The following PLD5 variants were observed in gnomAD, a reference collection of about 807,000 sequenced individuals.
PLD5 encodes the protein phospholipase D family member 5.
PLD5 carries 36 observed loss-of-function variants against 61.1 expected under a neutral mutation model. The observed-to-expected ratio is 0.59, with a 90% CI of 0.45 to 0.78. The LOEUF (loss-of-function observed/expected upper bound fraction) is 0.78. Among genes scored for constraint, PLD5 ranks in the 30% least tolerant of loss-of-function variants. PLD5 has a pLI of 0.00. For synonymous variants in PLD5, 243 were observed against 242.8 expected (o/e 1.00, Z -0.01); for missense variants, 515 against 644.4 (o/e 0.80, Z 2.17).
At chr1:242,486,629 C>G (rs972956150) in intron 1 of PLD5, among the ~76,000 whole-genome samples, 2 of 152,176 alleles carry the variant, frequency 1.3e-5, no homozygotes, top group African/African-American at 4.8e-5. Context: ...TAAACTAGTT[C>G]AACCATTGTG....
intron 1 of PLD5, among the ~76,000 whole-genome samples, chr1:242,523,343 GTT>G (rs112208579): frequency 1.0e-4 from 15 of 147,154 alleles, no homozygotes; most frequent in African/African-American, 3.7e-4. Flanking sequence ...TTTTTAGAAG[GTT>G]TTTTTTTTTT....
intron 1 of PLD5, among the ~76,000 whole-genome samples, chr1:242,419,815 T>C (rs1665040367): frequency 6.6e-6 from 1 of 152,086 alleles, no homozygotes. Context: ...GTCAACCACA[T>C]TCTTATGTTT....
intron 1 of PLD5, among the ~76,000 whole-genome samples, chr1:242,348,848 AT>A (rs1226216683): frequency 1.3e-5 from 2 of 152,116 alleles, no homozygotes; most frequent in Non-Finnish European, 2.9e-5. Context: ...AGGTCAGGAG[AT>A]CAAGACCGTC....
chr1:242,381,457 G>A (rs1662275155), intron 1 of PLD5, among the ~76,000 whole-genome samples: 1 of 152,122 alleles, frequency 6.6e-6, no homozygotes, highest in African/African-American at 2.4e-5. Flanking sequence ...TTAATACCTA[G>A]GTGATGGTTG....
At chr1:242,190,594 A>T (rs1478855140) in intron 5 of PLD5, among the ~76,000 whole-genome samples, 1 of 151,992 alleles carries the variant, frequency 6.6e-6, no homozygotes, top group Non-Finnish European at 1.5e-5. Flanking sequence ...CCATTTAAAA[A>T]ATTAAGGCCA....
intron 1 of PLD5, among the ~76,000 whole-genome samples, chr1:242,431,257 G>A (rs1665701642): frequency 6.6e-6 from 1 of 152,100 alleles, no homozygotes; most frequent in East Asian, 1.9e-4. Context: ...AACAGTTTTG[G>A]TGTAAAAGTT....
intron 2 of PLD5, among the ~76,000 whole-genome samples, chr1:242,299,284 T>C (rs1228555673): frequency 6.6e-6 from 1 of 152,178 alleles, no homozygotes; most frequent in Non-Finnish European, 1.5e-5. Flanking sequence ...TTACAAATAA[T>C]GCAGTTACAC....
intron 3 of PLD5, among the ~76,000 whole-genome samples, chr1:242,274,796 G>A (rs1037084791): frequency 2.6e-5 from 4 of 152,234 alleles, no homozygotes; most frequent in East Asian, 1.9e-4. Flanking sequence ...AACAGACATA[G>A]GGAGATGCTT....
chr1:242,314,192 G>A lies in PLD5; in HGVS notation c.327-25662C>T, dbSNP rs141599780. 3.2e-3 allele frequency among the ~76,000 whole-genome samples: 490 copies of A among 152,294 alleles called. 3 individuals carry two copies. The highest frequency in any genetic ancestry group is 4.1e-3 in the Admixed American group (63 of 15,294). On this transcript the variant is annotated intron_variant, in intron 2 of 9. Coordinates refer to ENST00000536534, the MANE Select transcript of PLD5 (RefSeq NM_001372062.1). ...TCACCTCAAGGTCAAGTTTTCAGAC[G>A]TGATGATGGCTCAGAAACCTGATTT...
At chr1:242,508,209 C>CAAAA (rs11458705) in intron 1 of PLD5, among the ~76,000 whole-genome samples, 2 of 137,652 alleles carry the variant, frequency 1.5e-5, no homozygotes, top group African/African-American at 5.3e-5. Flanking sequence ...ACTAAAAATA[C>CAAAA]AAAAAAAAAA....
chr1:242,272,908 GT>G (rs199939149), intron 3 of PLD5, among the ~76,000 whole-genome samples: 23 of 150,712 alleles, frequency 1.5e-4, no homozygotes, highest in African/African-American at 5.6e-4. Context: ...TTTTTTGTTT[GT>G]TTTTTTTTCT....
chr1:242,215,057 T>C (rs1670075310), intron 5 of PLD5, among the ~76,000 whole-genome samples: 1 of 149,632 alleles, frequency 6.7e-6, no homozygotes, highest in Non-Finnish European at 1.5e-5. Context: ...TTTTTTTTTT[T>C]TTTTGTATTT....
At chr1:242,513,159 C>T (rs1668991124) in intron 1 of PLD5, among the ~76,000 whole-genome samples, 1 of 152,180 alleles carries the variant, frequency 6.6e-6, no homozygotes, top group African/African-American at 2.4e-5. Flanking sequence ...GGATTACAGG[C>T]CTGAGTCACC....
chr1:242,470,199 C>T lies in PLD5; in HGVS notation c.189+53889G>A, dbSNP rs545311962. Among the ~76,000 whole-genome samples the T allele has an allele frequency of 8.6e-5, 13 of 152,022 alleles. No individual in the cohort carries two copies. The South Asian group carries it at 1.5e-3, about 17-fold the overall frequency. On this transcript the variant is annotated intron_variant, in intron 1 of 9. Coordinates refer to ENST00000536534, the MANE Select transcript of PLD5 (RefSeq NM_001372062.1). The stretch of plus-strand genomic sequence containing the variant: ...TACTAAAAATACAAAAAAAATTAGC[C>T]GGGCGTGGTGCGGGCGCCTGTACTC...
chr1:242,313,105 T>G (rs534375799), intron 2 of PLD5, among the ~76,000 whole-genome samples: 1 of 152,386 alleles, frequency 6.6e-6, no homozygotes, highest in South Asian at 2.1e-4. Flanking sequence ...ACTTTGCATG[T>G]AGGAAAATCT....
intron 5 of PLD5, among the ~76,000 whole-genome samples, chr1:242,183,286 A>C (rs12088502): frequency 0.32 from 49,153 of 151,942 alleles, 8,138 homozygotes; most frequent in African/African-American, 0.36. Flanking sequence ...ATTCCTTGTT[A>C]AATATTTGTA....
intron 1 of PLD5, among the ~76,000 whole-genome samples, chr1:242,479,210 A>G (rs564525400): frequency 6.6e-6 from 1 of 152,354 alleles, no homozygotes; most frequent in African/African-American, 2.4e-5. Flanking sequence ...GGAATGCAAT[A>G]GGCACAAAAC....
intron 5 of PLD5, among the ~76,000 whole-genome samples, chr1:242,140,657 AATAAAAG>A (rs1664092426): frequency 6.6e-6 from 1 of 152,126 alleles, no homozygotes; most frequent in African/African-American, 2.4e-5. Context: ...TAAATAAATC[AATAAAAG>A]ATATTTTCTG....
chr1:242,527,114 C>CTTTTTTTTTTTTTTTTT (rs530334746), upstream of PLD5, among the ~76,000 whole-genome samples: 44 of 71,972 alleles, frequency 6.1e-4, 4 homozygotes, highest in East Asian at 7.9e-4. Flanking sequence ...CTATCTCCTT[C>CTTTTTTTTTTTTTTTTT]TTTTTTTTTT....
Sources: gnomAD v4.1 joint callset for allele counts (sites outside exome capture counted in the v4.1 genomes callset) on GRCh38, gnomAD v4.1.1 for gene constraint, MANE v1.5 for transcripts, NCBI Gene and HGNC (gene_info 2026-07-23, HGNC 2026-07-21) for gene names.